Variants in WWOX observed in about 807,000 individuals in gnomAD.
WWOX encodes WW domain containing oxidoreductase.
Under a neutral mutation model 46.2 loss-of-function variants are expected in WWOX, and 69 were observed. That is an observed-to-expected ratio of 1.49 (90% CI 1.23 to 1.82). The LOEUF (loss-of-function observed/expected upper bound fraction) is 1.82, where lower values mean the gene tolerates loss of function less well. Among genes scored for constraint, WWOX ranks in the 40% most tolerant of loss-of-function variants. WWOX has a pLI of 0.00. For missense variants in WWOX, 919 were observed against 542.6 expected (o/e 1.69, Z -6.89); for synonymous variants, 359 against 202.6 (o/e 1.77, Z -6.56).
chr16:78,384,691 C>T (rs938505417), intron 5 of WWOX, among the ~76,000 whole-genome samples: 1 of 152,154 alleles, frequency 6.6e-6, no homozygotes, highest in African/African-American at 2.4e-5. Flanking sequence ...TCATGTTTCT[C>T]CTCCTCGTTC....
intron 8 of WWOX, among the ~76,000 whole-genome samples, chr16:79,096,836 T>G (rs1173011955): frequency 6.6e-6 from 1 of 152,052 alleles, no homozygotes; most frequent in Non-Finnish European, 1.5e-5. Flanking sequence ...TCTCACAGAA[T>G]AAGAAGAAGG....
intron 4 of WWOX, among the ~76,000 whole-genome samples, chr16:78,119,326 G>A (rs542305394): frequency 2.6e-5 from 4 of 152,332 alleles, no homozygotes; most frequent in Admixed American, 2.0e-4. Context: ...TTCGCATTGA[G>A]GAAGGTCCCT....
intron 8 of WWOX, among the ~76,000 whole-genome samples, chr16:79,071,691 C>T (rs1055514983): frequency 6.6e-6 from 1 of 152,226 alleles, no homozygotes; most frequent in Non-Finnish European, 1.5e-5. Flanking sequence ...CCCGCATTCC[C>T]CTTCACGTTG....
chr16:78,548,253 G>T (rs1057218065), intron 8 of WWOX, among the ~76,000 whole-genome samples: 2 of 150,790 alleles, frequency 1.3e-5, no homozygotes, highest in South Asian at 4.2e-4. Context: ...AGACTCTGCT[G>T]TTGATTCTCT....
chr16:78,729,875 A>G (rs2048927174), intron 8 of WWOX, among the ~76,000 whole-genome samples: 1 of 152,140 alleles, frequency 6.6e-6, no homozygotes, highest in South Asian at 2.1e-4. Context: ...GTGGTCCCAA[A>G]CCCACAGGGC....
At chr16:78,672,666 A>G (rs2047495036) in intron 8 of WWOX, among the ~76,000 whole-genome samples, 1 of 152,304 alleles carries the variant, frequency 6.6e-6, no homozygotes, top group East Asian at 1.9e-4. Flanking sequence ...ATACTTAAAT[A>G]AAAGTGATCG....
At position 79,164,654 on chromosome 16, in the gene WWOX, T is replaced by C. The variant is rs904842791; in HGVS notation, c.1057-46954T>C. ...ACCTTGAAAGGGAAAGTTCCCACTT[T>C]ATTAAAATGAATTTCGAAAGGGCCG... On this transcript the variant is annotated intron_variant, in intron 8 of 8. Transcript: ENST00000566780. Among the ~76,000 whole-genome samples, 2 of 152,318 alleles carry C rather than the reference T, an allele frequency of 1.3e-5. 1 individual carries two copies.
At chr16:78,750,890 A>G (rs1216021475) in intron 8 of WWOX, among the ~76,000 whole-genome samples, 2 of 151,912 alleles carry the variant, frequency 1.3e-5, no homozygotes. Flanking sequence ...TAACTAATCC[A>G]CCATTGATGG....
chr16:78,635,906 A>T (rs920166338), intron 8 of WWOX, among the ~76,000 whole-genome samples: 2 of 152,150 alleles, frequency 1.3e-5, no homozygotes, highest in African/African-American at 4.8e-5. Flanking sequence ...CACAGAGAAA[A>T]GTGCCTCGTA....
At chr16:78,470,013 T>G (rs756357803) in intron 8 of WWOX, among the ~76,000 whole-genome samples, 4 of 152,238 alleles carry the variant, frequency 2.6e-5, no homozygotes, top group African/African-American at 4.8e-5. Context: ...TGTGCACAGT[T>G]GCTCAAAGAT....
At chr16:79,026,518 C>T (rs1021486796) in intron 8 of WWOX, among the ~76,000 whole-genome samples, 3 of 151,540 alleles carry the variant, frequency 2.0e-5, no homozygotes, top group Admixed American at 6.6e-5. Flanking sequence ...ATTTTCTGCT[C>T]CAGACAATGA....
At chr16:78,306,902 G>A (rs935601553) in intron 5 of WWOX, among the ~76,000 whole-genome samples, 1 of 152,126 alleles carries the variant, frequency 6.6e-6, no homozygotes, top group Non-Finnish European at 1.5e-5. Flanking sequence ...CTTGTGTAGT[G>A]TGTCTGTGAG....
At chr16:78,452,957 C>T (rs532823539) in intron 8 of WWOX, among the ~76,000 whole-genome samples, 1 of 150,234 alleles carries the variant, frequency 6.7e-6, no homozygotes, top group African/African-American at 2.5e-5. Context: ...ACTGCAGCCT[C>T]ATGAGCCTCA....
At chr16:78,164,427 T>A (rs1382092468) in intron 5 of WWOX, 138 bp downstream of exon 5, 1 of 809,480 alleles carries the variant, frequency 1.2e-6, no homozygotes, top group Non-Finnish European at 2.0e-6. Context: ...CTTCACTTTG[T>A]TTGTCTTATG....
intron 8 of WWOX, among the ~76,000 whole-genome samples, chr16:79,061,898 G>A (rs893060645): frequency 6.6e-6 from 1 of 152,172 alleles, no homozygotes; most frequent in African/African-American, 2.4e-5. Flanking sequence ...TTACATACAT[G>A]GAATGTACAG....
chr16:79,069,307 G>T (rs369380727), intron 8 of WWOX, among the ~76,000 whole-genome samples: 8 of 152,174 alleles, frequency 5.3e-5, no homozygotes, highest in Non-Finnish European at 1.0e-4. Flanking sequence ...GTGTGGCTTC[G>T]CATTAATCAC....
rs559285838 is a variant in WWOX, at chr16:78,644,597, G to A, written c.1056+211845G>A. ...CTGCCTCAGCCTCCCAAGTACCTGG[G>A]ATTACAGGAGCCTGCCACCACGCCT... On this transcript the variant is annotated intron_variant, in intron 8 of 8. Coordinates refer to ENST00000566780, the MANE Select transcript of WWOX (RefSeq NM_016373.4). Among the ~76,000 whole-genome samples the A allele has an allele frequency of 1.3e-3, 203 of 152,198 alleles. 4 individuals carry two copies. Among genetic ancestry groups the A allele is most frequent in the African/African-American group, 4.8e-3 (198 of 41,518 alleles).
chr16:78,371,244 C>G (rs2081676186), intron 5 of WWOX, among the ~76,000 whole-genome samples: 1 of 152,102 alleles, frequency 6.6e-6, no homozygotes, highest in South Asian at 2.1e-4. Context: ...CTTGTGCATC[C>G]ACTTCCTAGC....
Position 78,197,182 on chromosome 16 carries a change from C to T in WWOX, c.516+32893C>T, listed in dbSNP as rs558487559. On this transcript the variant is annotated intron_variant, in intron 5 of 8. Transcript: ENST00000566780. ...TTTCTGCAAGGAAACTGAGGCTCGG[C>T]GATACTAAGAAACTCAGCCAGGGTC... Among the ~76,000 whole-genome samples, 37 of 152,202 alleles carry T rather than the reference C, an allele frequency of 2.4e-4. 1 individual carries two copies. The highest frequency in any genetic ancestry group is 8.2e-4 in the African/African-American group (34 of 41,530).
Sources: gnomAD v4.1 joint callset for allele counts (sites outside exome capture counted in the v4.1 genomes callset) on GRCh38, gnomAD v4.1.1 for gene constraint, MANE v1.5 for transcripts, NCBI Gene and HGNC (gene_info 2026-07-23, HGNC 2026-07-21) for gene names.